Variants in RAPGEF1 observed in about 807,000 individuals in gnomAD.
The protein encoded by RAPGEF1 is Rap guanine nucleotide exchange factor 1.
A neutral mutation model predicts 143.3 loss-of-function variants in RAPGEF1; 33 were observed. That is an observed-to-expected ratio of 0.23 (90% CI 0.17 to 0.31). The LOEUF is 0.31. RAPGEF1 is among the 10% of genes least tolerant of loss of function. The pLI is 1.00. For missense variants in RAPGEF1, 1,199 were observed against 1,645.4 expected (o/e 0.73, Z 4.69); for synonymous variants, 629 against 676.5 (o/e 0.93, Z 1.09).
intron 1 of RAPGEF1, among the ~76,000 whole-genome samples, chr9:131,734,555 G>A (rs1371125250): frequency 6.6e-6 from 1 of 152,188 alleles, no homozygotes; most frequent in East Asian, 1.9e-4. Flanking sequence ...AGGCAGAGCA[G>A]GTGCCATCAA....
intron 1 of RAPGEF1, chr9:131,737,651 AC>A: frequency 1.5e-6 from 2 of 1,351,738 alleles, no homozygotes; most frequent in South Asian, 1.6e-5. Context: ...TCATGGGATG[AC>A]AGGCAACTTT....
chr9:131,730,207 A>C (rs1836950206), intron 1 of RAPGEF1, among the ~76,000 whole-genome samples: 1 of 151,252 alleles, frequency 6.6e-6, no homozygotes, highest in Non-Finnish European at 1.5e-5. Context: ...AAAAAAAAAA[A>C]AAAAAAAAAG....
At chr9:131,720,011 G>A (rs553387501) in intron 1 of RAPGEF1, among the ~76,000 whole-genome samples, 9 of 151,552 alleles carry the variant, frequency 5.9e-5, no homozygotes, top group Admixed American at 1.3e-4. Context: ...TGAGCCTCCC[G>A]ATTAGCTGGG....
chr9:131,635,517 T>A (rs1164566043), intron 5 of RAPGEF1, among the ~76,000 whole-genome samples: 1 of 152,174 alleles, frequency 6.6e-6, no homozygotes, highest in Admixed American at 6.5e-5. Flanking sequence ...CCAAGTGGGC[T>A]GACAACATCC....
At chr9:131,635,906 A>G (rs1966249583) in intron 5 of RAPGEF1, among the ~76,000 whole-genome samples, 2 of 152,228 alleles carry the variant, frequency 1.3e-5, no homozygotes, top group Admixed American at 1.3e-4. Flanking sequence ...AAAGCACCCC[A>G]TAAATGTTAG....
intron 1 of RAPGEF1, among the ~76,000 whole-genome samples, chr9:131,737,905 T>C (rs1157145274): frequency 1.3e-5 from 2 of 151,118 alleles, no homozygotes; most frequent in Non-Finnish European, 2.9e-5. Context: ...GAGGCGGAGC[T>C]TGCAGTGAGC....
intron 1 of RAPGEF1, among the ~76,000 whole-genome samples, chr9:131,663,191 A>G (rs1314861589): frequency 6.6e-6 from 1 of 152,152 alleles, no homozygotes; most frequent in Non-Finnish European, 1.5e-5. Context: ...TAGATTCGTC[A>G]ACCGTTAACA....
intron 1 of RAPGEF1, among the ~76,000 whole-genome samples, chr9:131,738,700 T>G (rs1187485255): frequency 1.3e-5 from 2 of 152,192 alleles, no homozygotes; most frequent in Non-Finnish European, 2.9e-5. Context: ...TGCTAAGAGT[T>G]AGATATATAG....
chr9:131,680,206 T>A (rs1304695473), intron 1 of RAPGEF1, among the ~76,000 whole-genome samples: 9 of 152,246 alleles, frequency 5.9e-5, no homozygotes, highest in African/African-American at 2.2e-4. Flanking sequence ...GGGTTCAATA[T>A]GCTTAACTGT....
intron 12 of RAPGEF1, among the ~76,000 whole-genome samples, chr9:131,613,593 T>C (rs1958393956): frequency 6.6e-6 from 1 of 152,136 alleles, no homozygotes. Context: ...CCCTGTGCAG[T>C]ATCAGCAAGA....
chr9:131,629,663 C>T (rs2133066236), intron 6 of RAPGEF1, among the ~76,000 whole-genome samples: 1 of 152,016 alleles, frequency 6.6e-6, no homozygotes, highest in East Asian at 1.9e-4. Context: ...TGGTGGCGTG[C>T]ACCTGTAGTC....
At chr9:131,707,411 C>T (rs904385392) in intron 1 of RAPGEF1, among the ~76,000 whole-genome samples, 1 of 152,240 alleles carries the variant, frequency 6.6e-6, no homozygotes, top group Admixed American at 6.5e-5. Flanking sequence ...TTTATTTATA[C>T]AGTATATTTT....
At chr9:131,601,215 C>G (rs987332019) in intron 15 of RAPGEF1, among the ~76,000 whole-genome samples, 1 of 148,182 alleles carries the variant, frequency 6.7e-6, no homozygotes, top group African/African-American at 2.5e-5. Context: ...CATTAAAGAG[C>G]TGTAATGACT....
At chr9:131,674,109 C>T (rs953194416) in intron 1 of RAPGEF1, among the ~76,000 whole-genome samples, 1 of 152,168 alleles carries the variant, frequency 6.6e-6, no homozygotes, top group African/African-American at 2.4e-5. Context: ...TTTTGCTTTA[C>T]AAATTGAACC....
Position 131,584,170 on chromosome 9 carries a change from A to T in RAPGEF1, c.3414+141T>A. On this transcript the variant is annotated intron_variant, in intron 24 of 26. Transcript: ENST00000683357. This position sits in a 1 kb window ranked among gnomAD's most constrained non-coding sequence, Gnocchi z 6.8. ...AGGCGGGAGGGCAGCTGTTCTGGTC[A>T]CACAGCATGTCGGTGGCAGAGCAGG... 1.3e-6 allele frequency: 1 copy of T among 754,624 alleles called. No homozygotes were observed. The highest frequency in any genetic ancestry group is 1.7e-5 in the African/African-American group (1 of 57,172). The allele number at this position is 754,624 out of a possible 1,614,324, so 46.7% of individuals were successfully genotyped here.
chr9:131,628,075 C>A lies in RAPGEF1; in HGVS notation c.1039G>T (p.Ala347Ser). ...CTGCCTCCTGACAGTCGCCTCTGTG[C>A]GTAACAGTCAACATCAAAATCCTCA... ...NRQDFDVDCY[A>S]QRRLSGGSHS... Residue 347 changes from alanine to serine, a missense_variant, in exon 9 of 27, where the codon GCA (alanine) becomes TCA (serine). Ala to Ser is a moderately conservative substitution (Grantham distance 99). This residue lies in a region of RAPGEF1 where 613 missense variants were observed against 710.9 expected (regional missense o/e 0.86). Transcript: ENST00000683357. The surrounding 1 kb of genome is among the most constrained non-coding windows in gnomAD (Gnocchi z 5.7). The A allele has an allele frequency of 2.6e-6, 4 of 1,555,896 alleles. No individual in the cohort carries two copies. The highest frequency in any genetic ancestry group is 3.5e-6 in the Non-Finnish European group (4 of 1,150,248).
At chr9:131,732,167 C>T (rs72759889) in intron 1 of RAPGEF1, among the ~76,000 whole-genome samples, 5,261 of 152,004 alleles carry the variant, frequency 0.035, 144 homozygotes, top group Non-Finnish European at 0.052. Flanking sequence ...AGACAGCACA[C>T]GCTGCACAGT....
chr9:131,703,004 CCTCA>C (rs1229867154), intron 1 of RAPGEF1, among the ~76,000 whole-genome samples: 9 of 152,150 alleles, frequency 5.9e-5, no homozygotes, highest in African/African-American at 9.7e-5. Flanking sequence ...ACTTTTGCCG[CCTCA>C]CTATGTTTTA....
intron 1 of RAPGEF1, among the ~76,000 whole-genome samples, chr9:131,730,886 G>A (rs185807158): frequency 6.6e-6 from 1 of 152,148 alleles, no homozygotes; most frequent in East Asian, 1.9e-4. Flanking sequence ...GTCAGGAGGA[G>A]AGCTGTCTTC....
Sources: allele counts gnomAD v4.1 joint callset (sites outside exome capture counted in the v4.1 genomes callset), GRCh38; gene constraint gnomAD v4.1.1; regional missense constraint gnomAD v4.1.1; non-coding constraint Gnocchi (gnomAD v3.1); transcripts MANE v1.5; gene names NCBI Gene and HGNC (gene_info 2026-07-23, HGNC 2026-07-21).